ADAM23: variants seen among roughly 807,000 people sequenced by gnomAD.
ADAM23 encodes the protein ADAM metallopeptidase domain 23.
A neutral mutation model predicts 120.1 loss-of-function variants in ADAM23; 33 were observed. That is an observed-to-expected ratio of 0.27 (90% CI 0.21 to 0.37). The LOEUF (loss-of-function observed/expected upper bound fraction) is 0.37. Ranked by LOEUF, ADAM23 falls within the 10% of genes least tolerant of loss-of-function variation. The probability of loss-of-function intolerance (pLI) is 1.00; values close to 1 mark genes in which losing one functional copy is unlikely to be tolerated. For synonymous variants in ADAM23, 367 were observed against 375.2 expected (o/e 0.98, Z 0.25); for missense variants, 862 against 1,058.2 (o/e 0.81, Z 2.57).
intron 2 of ADAM23, among the ~76,000 whole-genome samples, chr2:206,449,871 A>G (rs969832833): frequency 1.3e-5 from 2 of 152,218 alleles, no homozygotes; most frequent in Non-Finnish European, 2.9e-5. Context: ...TGCACGATGC[A>G]TAGCACCGGA....
At chr2:206,521,490 C>T (rs893956746) in intron 3 of ADAM23, among the ~76,000 whole-genome samples, 1 of 151,992 alleles carries the variant, frequency 6.6e-6, no homozygotes, top group Non-Finnish European at 1.5e-5. Flanking sequence ...TGGCAGTATA[C>T]ATTCATTGTA....
intron 2 of ADAM23, among the ~76,000 whole-genome samples, chr2:206,446,030 AT>A (rs535603162): frequency 2.0e-3 from 304 of 152,256 alleles, no homozygotes; most frequent in Middle Eastern, 3.4e-3. Context: ...GGAAAAAAAA[AT>A]TTTCTGTTGT....
intron 9 of ADAM23, among the ~76,000 whole-genome samples, chr2:206,553,747 TG>T (rs1697583311): frequency 6.6e-6 from 1 of 152,212 alleles, no homozygotes; most frequent in South Asian, 2.1e-4. Flanking sequence ...TAAATTCACA[TG>T]TTGAAAGTCA....
At chr2:206,471,311 G>A (rs1695654307) in intron 2 of ADAM23, among the ~76,000 whole-genome samples, 1 of 152,018 alleles carries the variant, frequency 6.6e-6, no homozygotes, top group African/African-American at 2.4e-5. Context: ...CATTCTTAAC[G>A]AATCCTTGTG....
At chr2:206,600,893 C>A (rs1266024183) in intron 24 of ADAM23, among the ~76,000 whole-genome samples, 1 of 152,154 alleles carries the variant, frequency 6.6e-6, no homozygotes, top group Non-Finnish European at 1.5e-5. Flanking sequence ...TTTATTTTTT[C>A]TACGTTGTTC....
chr2:206,443,853 G>T lies in ADAM23; in HGVS notation c.-14G>T. On this transcript the variant is annotated 5_prime_UTR_variant, in exon 1 of 26. Transcript: ENST00000264377. ...TCGCCGGCCACACGGAGCGGCGCCCGGGAGCTATGAGCCATGAAGCCGCCC... is the reference window on the plus strand; with the variant it reads ...TCGCCGGCCACACGGAGCGGCGCCCTGGAGCTATGAGCCATGAAGCCGCCC... The T allele has an allele frequency of 1.8e-6, 2 of 1,117,672 alleles. No homozygotes were observed. Among genetic ancestry groups the T allele is most frequent in the South Asian group, 3.9e-5 (1 of 25,822 alleles). The allele number at this position is 1,117,672 out of a possible 1,614,324, so 69.2% of individuals were successfully genotyped here. A position where few individuals can be genotyped will look rare whatever the true frequency, so the allele number is the denominator to read the frequency against.
chr2:206,459,673 T>A (rs558504478), intron 2 of ADAM23, among the ~76,000 whole-genome samples: 1 of 152,196 alleles, frequency 6.6e-6, no homozygotes, highest in Non-Finnish European at 1.5e-5. Flanking sequence ...TCCACTTGGA[T>A]GTCTTATAGG....
Position 206,608,023 on chromosome 2 carries a change from A to G in ADAM23, c.2360-1887A>G, listed in dbSNP as rs768386313. ...GCATAGAGTATGTACATGGTTATAT[A>G]TTTTTTTAATATTTGTTTTGAAATT... On this transcript the variant is annotated intron_variant, in intron 24 of 25. Coordinates refer to ENST00000264377, the MANE Select transcript of ADAM23 (RefSeq NM_003812.4). 2.6e-5 allele frequency: 11 copies of G among 420,134 alleles called. 1 individual carries two copies. The highest frequency in any genetic ancestry group is 1.4e-4 in the South Asian group (8 of 55,632). 26.0% of individuals were successfully genotyped at this position (420,134 alleles called of 1,614,324 possible).
intron 18 of ADAM23, among the ~76,000 whole-genome samples, chr2:206,574,658 G>A (rs969699808): frequency 5.9e-5 from 9 of 152,204 alleles, no homozygotes; most frequent in East Asian, 1.9e-4. Flanking sequence ...GCACTACTCT[G>A]GTTAAAGTGG....
chr2:206,606,990 G>A (rs1337471078), intron 24 of ADAM23: 2 of 152,138 alleles, frequency 1.3e-5, no homozygotes. Flanking sequence ...CCATTAGTTA[G>A]AACAAATGGG....
chr2:206,470,215 G>A (rs1258360415), intron 2 of ADAM23, among the ~76,000 whole-genome samples: 2 of 151,734 alleles, frequency 1.3e-5, no homozygotes, highest in African/African-American at 2.4e-5. Context: ...TATAATCTGA[G>A]GAAATAGATA....
chr2:206,471,427 A>T (rs575325538), intron 2 of ADAM23, among the ~76,000 whole-genome samples: 1 of 152,326 alleles, frequency 6.6e-6, no homozygotes, highest in South Asian at 2.1e-4. Flanking sequence ...CAAGGACCAG[A>T]GTAGGCAGAC....
chr2:206,494,624 T>C (rs1696200800), intron 3 of ADAM23, among the ~76,000 whole-genome samples: 1 of 152,220 alleles, frequency 6.6e-6, no homozygotes. Flanking sequence ...CCATTTATTT[T>C]AGCTGGCCAT....
chr2:206,566,852 CA>C (rs66674359), intron 14 of ADAM23, among the ~76,000 whole-genome samples: 89,815 of 144,610 alleles, frequency 0.62, 27,106 homozygotes, highest in Non-Finnish European at 0.66. Flanking sequence ...AAAACAGAGG[CA>C]AAAAAAAAAA....
chr2:206,573,230 C>G, intron 18 of ADAM23, 35 bp downstream of exon 18: 8 of 1,587,332 alleles, frequency 5.0e-6, no homozygotes, highest in Non-Finnish European at 6.9e-6. Flanking sequence ...ATACATTTTA[C>G]TTGTACAGGT....
chr2:206,467,576 G>T (rs1379779594), intron 2 of ADAM23, among the ~76,000 whole-genome samples: 2 of 152,212 alleles, frequency 1.3e-5, no homozygotes, highest in Non-Finnish European at 2.9e-5. Flanking sequence ...AGCCCCCAAG[G>T]CTGCTCTTAA....
intron 3 of ADAM23, among the ~76,000 whole-genome samples, chr2:206,494,986 A>G (rs1367462021): frequency 6.6e-6 from 1 of 152,224 alleles, no homozygotes; most frequent in Admixed American, 6.5e-5. Flanking sequence ...CCTCCAAGAA[A>G]TATGGGACTA....
intron 2 of ADAM23, among the ~76,000 whole-genome samples, chr2:206,456,696 A>T (rs1277434035): frequency 6.6e-6 from 1 of 152,184 alleles, no homozygotes; most frequent in Non-Finnish European, 1.5e-5. Context: ...ATTAAAAAAA[A>T]AATCTTAGAT....
In ADAM23 at chr2:206,620,135, A is replaced by C. The variant is rs1356486879; in HGVS notation, c.*2508A>C. On this transcript the variant is annotated 3_prime_UTR_variant, in exon 26 of 26. Transcript: ENST00000264377. ...GAGCCACCTTGGTGACATAACAGAAACAAAATCATGTTGGTTACAAAACAA... is the reference window on the plus strand; with the variant it reads ...GAGCCACCTTGGTGACATAACAGAACCAAAATCATGTTGGTTACAAAACAA... 3 of 152,216 alleles carry C rather than the reference A, an allele frequency of 2.0e-5. No individual in the cohort carries two copies. The allele number at this position is 152,216 out of a possible 1,614,324, so 9.4% of individuals were successfully genotyped here. A position where few individuals can be genotyped will look rare whatever the true frequency, so the allele number is the denominator to read the frequency against.
Sources: gnomAD v4.1 joint callset for allele counts (sites outside exome capture counted in the v4.1 genomes callset) on GRCh38, gnomAD v4.1.1 for gene constraint, MANE v1.5 for transcripts, NCBI Gene and HGNC (gene_info 2026-07-23, HGNC 2026-07-21) for gene names.